The following CCNJL variants were observed in gnomAD, a reference collection of about 807,000 sequenced individuals.
CCNJL encodes cyclin-J-like protein.
In CCNJL, 33 loss-of-function variants were observed where a neutral mutation model predicts 33.4. The observed-to-expected ratio is 0.99, with a 90% CI of 0.75 to 1.32. The LOEUF is 1.32. CCNJL is among the 40% of genes most tolerant of loss of function. The pLI is 0.00. For missense variants in CCNJL, 512 were observed against 499.7 expected, an observed-to-expected ratio of 1.02 and a Z score of -0.23; for synonymous variants, 227 against 220.9, an observed-to-expected ratio of 1.03 and a Z score of -0.24.
intron 1 of CCNJL, among the ~76,000 whole-genome samples, chr5:160,326,457 GC>G (rs1561814314): frequency 8.1e-6 from 1 of 123,918 alleles, no homozygotes; most frequent in Non-Finnish European, 1.6e-5. Flanking sequence ...CTGCATTCCA[GC>G]CTGGGCGACA....
At position 160,251,742 on chromosome 5, in the gene CCNJL, T is replaced by C. The variant is rs1279259765; in HGVS notation, c.*1636A>G. The C allele has an allele frequency of 1.3e-5, 2 of 151,984 alleles. No individual in the cohort carries two copies. The highest frequency in any genetic ancestry group is 2.4e-5 in the African/African-American group (1 of 41,324). The allele number at this position is 151,984 out of a possible 1,614,324, so 9.4% of individuals were successfully genotyped here. On this transcript the variant is annotated 3_prime_UTR_variant, in exon 6 of 6. Coordinates refer to ENST00000257536, the MANE Select transcript of CCNJL (RefSeq NM_001308173.3). ...TGAGGGAACCCTCACAATCCCCAGG[T>C]CCCAGAACAGACAGATACAAGAACT...
chr5:160,335,601 G>T (rs1228942003), intron 1 of CCNJL, among the ~76,000 whole-genome samples: 1 of 151,894 alleles, frequency 6.6e-6, no homozygotes. Flanking sequence ...TTGAGATGGG[G>T]TCTCTGTTGC....
At chr5:160,263,169 TA>T (rs1421687118) in intron 3 of CCNJL, among the ~76,000 whole-genome samples, 1 of 152,216 alleles carries the variant, frequency 6.6e-6, no homozygotes, top group Non-Finnish European at 1.5e-5. Context: ...ATTCTGTCTG[TA>T]AATACTGGTT....
chr5:160,326,915 C>T (rs972877093), intron 1 of CCNJL: 85 of 658,418 alleles, frequency 1.3e-4, no homozygotes, highest in Middle Eastern at 4.5e-4. Flanking sequence ...TGAATACGAC[C>T]GAGTCGGATC....
intron 3 of CCNJL, chr5:160,276,118 G>A (rs1761999084): frequency 1.3e-5 from 2 of 152,238 alleles, no homozygotes. Flanking sequence ...ATGAAGGCTG[G>A]GCACTGTGGC....
In CCNJL at chr5:160,259,531, G is replaced by C; in HGVS notation, c.521C>G (p.Pro174Arg). 1 of 1,614,184 alleles carries C rather than the reference G, an allele frequency of 6.2e-7. No individual in the cohort carries two copies. The highest frequency in any genetic ancestry group is 8.5e-7 in the Non-Finnish European group (1 of 1,180,014). ...HHCHTWPTTC[P>R]RKTKECLKEY... The stretch of plus-strand genomic sequence containing the variant: ...CTTGAGGCACTCTTTGGTCTTGCGG[G>C]GGCAGGTGGTGGGCCAGGTGTGGCA... The change falls in exon 4 of 6, where the codon CCC becomes CGC. Residue 174 changes from proline to arginine, a missense_variant. By Grantham distance (103) the Pro-to-Arg change is moderately radical. Transcript: ENST00000257536.
At chr5:160,282,979 A>G (rs1374595135) in intron 2 of CCNJL, among the ~76,000 whole-genome samples, 1 of 56,358 alleles carries the variant, frequency 1.8e-5, no homozygotes, top group Admixed American at 1.9e-4. Context: ...ATATATATAT[A>G]TATATATATA....
At chr5:160,286,597 C>G (rs111528711) in intron 2 of CCNJL, among the ~76,000 whole-genome samples, 5,957 of 152,048 alleles carry the variant, frequency 0.039, 204 homozygotes, top group South Asian at 0.17. Context: ...AATATTGTAC[C>G]ACTGCACTCC....
intron 2 of CCNJL, among the ~76,000 whole-genome samples, chr5:160,305,773 G>T (rs1184500773): frequency 6.6e-6 from 1 of 152,130 alleles, no homozygotes; most frequent in Non-Finnish European, 1.5e-5. Context: ...CTGTAAACTG[G>T]GGTTAATCCT....
intron 3 of CCNJL, among the ~76,000 whole-genome samples, chr5:160,264,796 C>T (rs1306689488): frequency 2.6e-5 from 4 of 152,198 alleles, no homozygotes; most frequent in African/African-American, 9.7e-5. Flanking sequence ...ACTCTGAAGA[C>T]TGGCTTATCT....
intron 3 of CCNJL, among the ~76,000 whole-genome samples, chr5:160,277,108 A>AAAAC (rs368486780): frequency 6.6e-6 from 1 of 152,232 alleles, no homozygotes; most frequent in Admixed American, 6.5e-5. Flanking sequence ...TTTCTTTACA[A>AAAAC]AAACAAACAA....
At chr5:160,309,436 C>T (rs1308005626) in intron 2 of CCNJL, among the ~76,000 whole-genome samples, 1 of 152,200 alleles carries the variant, frequency 6.6e-6, no homozygotes, top group Non-Finnish European at 1.5e-5. Flanking sequence ...AGTTACACAG[C>T]ACATATGTAA....
intron 1 of CCNJL, among the ~76,000 whole-genome samples, chr5:160,323,442 C>T: frequency 6.6e-6 from 1 of 152,128 alleles, no homozygotes; most frequent in East Asian, 1.9e-4. Flanking sequence ...ATAGGCAATT[C>T]ATTTATTTAA....
At chr5:160,309,057 G>A (rs1010801955) in intron 2 of CCNJL, among the ~76,000 whole-genome samples, 1 of 152,250 alleles carries the variant, frequency 6.6e-6, no homozygotes, top group Non-Finnish European at 1.5e-5. Context: ...TCAGAGAGCA[G>A]GCCAGAGCCA....
intron 1 of CCNJL, among the ~76,000 whole-genome samples, chr5:160,318,408 C>G (rs1763403254): frequency 6.6e-6 from 1 of 152,218 alleles, no homozygotes; most frequent in Non-Finnish European, 1.5e-5. Flanking sequence ...TGCAATGAAC[C>G]TATTTCCTAA....
chr5:160,282,972 T>TATAC (rs1554120717), intron 2 of CCNJL, among the ~76,000 whole-genome samples: 9 of 44,212 alleles, frequency 2.0e-4, no homozygotes, highest in Non-Finnish European at 2.9e-4. Context: ...TTGGAATATA[T>TATAC]ATATATATAT....
intron 4 of CCNJL, chr5:160,258,218 T>G: frequency 1.7e-6 from 1 of 578,246 alleles, no homozygotes; most frequent in South Asian, 1.8e-5. Flanking sequence ...CAACAGTATT[T>G]TTTTTTTTTT....
intron 2 of CCNJL, among the ~76,000 whole-genome samples, chr5:160,310,345 C>A (rs1166486402): frequency 6.6e-6 from 1 of 152,090 alleles, no homozygotes; most frequent in African/African-American, 2.4e-5. Context: ...GGGAAGAAGA[C>A]CAAGGGAACA....
upstream of CCNJL, among the ~76,000 whole-genome samples, chr5:160,316,356 A>G (rs1376319958): frequency 6.6e-6 from 1 of 152,150 alleles, no homozygotes; most frequent in Non-Finnish European, 1.5e-5. Flanking sequence ...TGAAGCTCAC[A>G]GGTTGGGAAC....
Sources: allele counts gnomAD v4.1 joint callset (sites outside exome capture counted in the v4.1 genomes callset), GRCh38; gene constraint gnomAD v4.1.1; transcripts MANE v1.5; gene names NCBI Gene and HGNC (gene_info 2026-07-23, HGNC 2026-07-21).